DNAJC6: variants seen among roughly 807,000 people sequenced by gnomAD.
The protein encoded by DNAJC6 is DnaJ heat shock protein family (Hsp40) member C6.
Under a neutral mutation model 110.0 loss-of-function variants are expected in DNAJC6, and 34 were observed. The observed-to-expected ratio is 0.31, with a 90% CI of 0.24 to 0.41. The LOEUF is 0.41. DNAJC6 is among the 10% of genes least tolerant of loss of function. The pLI is 1.00. For missense variants in DNAJC6, 1,031 were observed against 1,207.8 expected, an observed-to-expected ratio of 0.85 and a Z score of 2.17; for synonymous variants, 406 against 437.2, an observed-to-expected ratio of 0.93 and a Z score of 0.89.
chr1:65,348,503 C>A (rs1645458338), intron 1 of DNAJC6, among the ~76,000 whole-genome samples: 1 of 152,038 alleles, frequency 6.6e-6, no homozygotes. Context: ...GAATAATTGA[C>A]CCTTTATTAT....
chr1:65,353,872 G>A (rs1392214859), intron 1 of DNAJC6, among the ~76,000 whole-genome samples: 2 of 152,172 alleles, frequency 1.3e-5, no homozygotes, highest in Non-Finnish European at 2.9e-5. Context: ...AAAGCTTGAG[G>A]AGACAGTGAA....
chr1:65,302,061 G>A (rs1286144523), intron 1 of DNAJC6, among the ~76,000 whole-genome samples: 3 of 141,558 alleles, frequency 2.1e-5, no homozygotes, highest in African/African-American at 8.0e-5. Context: ...AGGAACTGTG[G>A]ATTTTATATA....
chr1:65,351,942 T>G (rs1645493895), intron 1 of DNAJC6, among the ~76,000 whole-genome samples: 1 of 152,020 alleles, frequency 6.6e-6, no homozygotes, highest in South Asian at 2.1e-4. Flanking sequence ...TTTTTTGTGT[T>G]TTTAGTAGAG....
At chr1:65,340,966 G>A (rs1195198544) in intron 1 of DNAJC6, among the ~76,000 whole-genome samples, 1 of 152,148 alleles carries the variant, frequency 6.6e-6, no homozygotes, top group African/African-American at 2.4e-5. Context: ...TGCGTAGCCT[G>A]GTACCTAGGC....
At chr1:65,283,195 T>C (rs966077560) in intron 1 of DNAJC6, among the ~76,000 whole-genome samples, 3 of 152,208 alleles carry the variant, frequency 2.0e-5, no homozygotes, top group Non-Finnish European at 2.9e-5. Flanking sequence ...TGTTTGTAGC[T>C]CTATGCTATG....
intron 1 of DNAJC6, among the ~76,000 whole-genome samples, chr1:65,302,190 T>C (rs1441680271): frequency 7.0e-6 from 1 of 143,234 alleles, no homozygotes. Flanking sequence ...ATATATTATG[T>C]TAATATATAC....
intron 6 of DNAJC6, among the ~76,000 whole-genome samples, chr1:65,384,886 T>G (rs1483828895): frequency 2.0e-5 from 3 of 152,222 alleles, no homozygotes; most frequent in Non-Finnish European, 2.9e-5. Flanking sequence ...TACGAAAATT[T>G]ATGATGTTAA....
At chr1:65,292,148 C>A (rs979369623) in intron 1 of DNAJC6, among the ~76,000 whole-genome samples, 2 of 152,060 alleles carry the variant, frequency 1.3e-5, no homozygotes, top group African/African-American at 4.8e-5. Flanking sequence ...TCCCGAGTAG[C>A]TGGGATTACA....
intron 4 of DNAJC6, among the ~76,000 whole-genome samples, chr1:65,375,032 T>G (rs1351216512): frequency 1.3e-5 from 2 of 151,104 alleles, no homozygotes; most frequent in African/African-American, 4.9e-5. Flanking sequence ...GCAGTGATCT[T>G]GACTCACTGC....
chr1:65,304,295 A>G (rs1645017302), intron 1 of DNAJC6, among the ~76,000 whole-genome samples: 2 of 152,100 alleles, frequency 1.3e-5, no homozygotes, highest in Admixed American at 1.3e-4. Flanking sequence ...CCTAAGAAAC[A>G]TTATAGGAAT....
intron 13 of DNAJC6, among the ~76,000 whole-genome samples, chr1:65,397,339 A>T (rs950894505): frequency 5.3e-5 from 8 of 152,192 alleles, no homozygotes; most frequent in Non-Finnish European, 1.2e-4. Context: ...AATAAAAAAA[A>T]TACTGCCTTT....
At chr1:65,396,736 A>G (rs910800041) in intron 13 of DNAJC6, among the ~76,000 whole-genome samples, 6 of 152,082 alleles carry the variant, frequency 3.9e-5, no homozygotes, top group South Asian at 2.1e-4. Flanking sequence ...CTCTCTCTCT[A>G]TTAGAACATG....
At chr1:65,379,708 A>C in intron 5 of DNAJC6, 184 bp downstream of exon 5, 1 of 853,430 alleles carries the variant, frequency 1.2e-6, no homozygotes, top group Non-Finnish European at 1.7e-6. Context: ...TTAAAGCTTG[A>C]CTACTAGTGG....
In DNAJC6 at chr1:65,415,498, A is replaced by G. The variant is rs918708569; in HGVS notation, c.*2473A>G. 2.0e-5 allele frequency: 3 copies of G among 151,628 alleles called. No homozygotes were observed. Among genetic ancestry groups the G allele is most frequent in the Non-Finnish European group, 2.9e-5 (2 of 67,926 alleles). The allele number at this position is 151,628 out of a possible 1,614,324, so 9.4% of individuals were successfully genotyped here. On this transcript the variant is annotated 3_prime_UTR_variant, in exon 19 of 19. Coordinates refer to ENST00000371069, the MANE Select transcript of DNAJC6 (RefSeq NM_001256864.2). The stretch of plus-strand genomic sequence containing the variant: ...CACACACACACACATGCACGCACAC[A>G]TGATTTTGATTATGCTACATGATAT...
At chr1:65,379,312 C>T (rs1557551005) in intron 4 of DNAJC6, 90 bp from the exon 5 acceptor site, 2 of 1,505,908 alleles carry the variant, frequency 1.3e-6, no homozygotes, top group Non-Finnish European at 1.8e-6. Context: ...GATGTGGTAT[C>T]ACTTCCAGAA....
intron 4 of DNAJC6, among the ~76,000 whole-genome samples, chr1:65,375,024 A>G (rs184299650): frequency 2.0e-5 from 3 of 149,602 alleles, no homozygotes; most frequent in Admixed American, 6.6e-5. Flanking sequence ...GCTGGAGTGC[A>G]GTGATCTTGA....
chr1:65,366,585 G>C (rs973777885), intron 4 of DNAJC6, among the ~76,000 whole-genome samples: 31 of 152,164 alleles, frequency 2.0e-4, no homozygotes, highest in African/African-American at 7.2e-4. Flanking sequence ...ATCAAGATAA[G>C]GCAGTGTGGA....
Position 65,326,139 on chromosome 1 carries a change from C to T in DNAJC6, c.193+16201C>T, listed in dbSNP as rs145601332. 6.6e-5 allele frequency among the ~76,000 whole-genome samples: 10 copies of T among 152,308 alleles called. No individual in the cohort carries two copies. The East Asian group carries it at 1.9e-3, about 29-fold the overall frequency. ...GTCTGGACACTGCTTTCTGGGACCA[C>T]TCCCCTCTCTCCCCACAACAGTGTT... On this transcript the variant is annotated intron_variant, in intron 1 of 18. Transcript: ENST00000371069.
intron 5 of DNAJC6, among the ~76,000 whole-genome samples, chr1:65,380,295 C>T (rs931415832): frequency 2.0e-5 from 3 of 152,138 alleles, no homozygotes; most frequent in Admixed American, 6.5e-5. Context: ...GGAATCTGAG[C>T]ATTAATGCTG....
Sources: allele counts gnomAD v4.1 joint callset (sites outside exome capture counted in the v4.1 genomes callset), GRCh38; gene constraint gnomAD v4.1.1; transcripts MANE v1.5; gene names NCBI Gene and HGNC (gene_info 2026-07-23, HGNC 2026-07-21).